DLG2: variants seen among roughly 807,000 people sequenced by gnomAD.
The protein encoded by DLG2 is discs large MAGUK scaffold protein 2, also known as disks large homolog 2.
Under a neutral mutation model 132.5 loss-of-function variants are expected in DLG2, and 45 were observed. That is an observed-to-expected ratio of 0.34 (90% CI 0.27 to 0.44). The LOEUF is 0.44. Among genes scored for constraint, DLG2 ranks in the 20% least tolerant of loss-of-function variants. The pLI, the probability that DLG2 is intolerant of heterozygous loss-of-function variation, is 1.00. For synonymous variants in DLG2, 424 were observed against 419.6 expected, an observed-to-expected ratio of 1.01 and a Z score of -0.13; for missense variants, 1,045 against 1,196.9, an observed-to-expected ratio of 0.87 and a Z score of 1.87.
chr11:83,807,075 A>C (rs2046099692), intron 17 of DLG2, among the ~76,000 whole-genome samples: 1 of 152,170 alleles, frequency 6.6e-6, no homozygotes, highest in African/African-American at 2.4e-5. Context: ...ACATTTGGGA[A>C]AACTAGAAGC....
At chr11:84,016,712 T>C (rs2095208994) in intron 11 of DLG2, among the ~76,000 whole-genome samples, 1 of 152,116 alleles carries the variant, frequency 6.6e-6, no homozygotes. Context: ...GTTAACCTTT[T>C]CTAGATTGCC....
In DLG2 at chr11:84,743,366, T is replaced by C. The variant is rs546111534; in HGVS notation, c.358-208635A>G. Among the ~76,000 whole-genome samples the C allele has an allele frequency of 2.4e-4, 37 of 152,322 alleles. 1 individual carries two copies. The South Asian group carries it at 7.7e-3, about 32-fold the overall frequency. On this transcript the variant is annotated intron_variant, in intron 6 of 27. Coordinates refer to ENST00000376104, the MANE Select transcript of DLG2 (RefSeq NM_001142699.3). The stretch of plus-strand genomic sequence containing the variant: ...GAAGGATCTTTAAGAGGCCATGTAG[T>C]ATACCAACCATCTTTAGTAAGAATT...
intron 14 of DLG2, among the ~76,000 whole-genome samples, chr11:83,955,802 T>C (rs566946780): frequency 1.2e-4 from 18 of 152,244 alleles, no homozygotes; most frequent in Non-Finnish European, 2.6e-4. Context: ...CCTACATCTT[T>C]CTCCTGTGCT....
At chr11:84,253,256 C>T (rs1465235407) in intron 7 of DLG2, among the ~76,000 whole-genome samples, 1 of 151,980 alleles carries the variant, frequency 6.6e-6, no homozygotes, top group Non-Finnish European at 1.5e-5. Context: ...GTTGGTTTAG[C>T]AACTTTCTGA....
chr11:85,409,604 C>T (rs74585162), intron 3 of DLG2, among the ~76,000 whole-genome samples: 8,408 of 151,868 alleles, frequency 0.055, 273 homozygotes, highest in Middle Eastern at 0.16. Flanking sequence ...AGTCCGGTTA[C>T]ACATTAAAGA....
intron 8 of DLG2, among the ~76,000 whole-genome samples, chr11:84,224,697 G>C (rs1025809096): frequency 6.6e-6 from 1 of 152,190 alleles, no homozygotes; most frequent in African/African-American, 2.4e-5. Context: ...AATCCCTGCA[G>C]TTTGGCTTGA....
rs1310633114 is a variant in DLG2 at position 85,435,180 on chromosome 11, C to T, written c.41-149815G>A. On this transcript the variant is annotated intron_variant, in intron 3 of 27. Coordinates refer to ENST00000376104, the MANE Select transcript of DLG2 (RefSeq NM_001142699.3). ...GGAACATATCTCAAAATAATAAGAG[C>T]TATTTATGACAAACCCACAGACAAT... Among the ~76,000 whole-genome samples the T allele has an allele frequency of 2.6e-5, 4 of 152,222 alleles. No homozygotes were observed. In the East Asian group the frequency reaches 7.7e-4, roughly 29 times the overall value.
chr11:84,806,130 A>T (rs1430220568), intron 6 of DLG2, among the ~76,000 whole-genome samples: 1 of 152,196 alleles, frequency 6.6e-6, no homozygotes, highest in Non-Finnish European at 1.5e-5. Flanking sequence ...AAGCAATATG[A>T]ATTAAAACAA....
chr11:83,917,956 T>C (rs926899657), intron 15 of DLG2, among the ~76,000 whole-genome samples: 3 of 152,154 alleles, frequency 2.0e-5, no homozygotes, highest in Non-Finnish European at 2.9e-5. Context: ...GGGATGAAAG[T>C]GCATGAAGAA....
chr11:84,502,646 C>T (rs891960258), intron 7 of DLG2, among the ~76,000 whole-genome samples: 1 of 151,806 alleles, frequency 6.6e-6, no homozygotes, highest in African/African-American at 2.4e-5. Context: ...GATCCACCTG[C>T]CTCAGCCTCC....
rs148070404 is a variant in DLG2 at position 84,651,534 on chromosome 11, A to G, written c.358-116803T>C. ...AGCTTTCAAAGCCATAAAGAGAGCA[A>G]AGGTCACTCCTCTTCTGTCTCCGGG... On this transcript the variant is annotated intron_variant, in intron 6 of 27. Coordinates refer to ENST00000376104, the MANE Select transcript of DLG2 (RefSeq NM_001142699.3). 1.9e-3 allele frequency among the ~76,000 whole-genome samples: 290 copies of G among 152,296 alleles called. 2 individuals are homozygous for G. In the Middle Eastern group the frequency reaches 0.034, roughly 18 times the overall value.
chr11:84,871,746 C>CA (rs1392077748), intron 6 of DLG2, among the ~76,000 whole-genome samples: 44 of 151,088 alleles, frequency 2.9e-4, no homozygotes, highest in African/African-American at 1.1e-3. Context: ...TTTAATGAGA[C>CA]AGAGTCTCCT....
intron 3 of DLG2, among the ~76,000 whole-genome samples, chr11:85,540,180 C>G (rs985453097): frequency 6.6e-6 from 1 of 152,180 alleles, no homozygotes; most frequent in South Asian, 2.1e-4. Context: ...ACCCTTGGGC[C>G]TTTGCCCACG....
Position 84,313,042 on chromosome 11 carries a change from C to A in DLG2, c.520-61751G>T, listed in dbSNP as rs117384478. On this transcript the variant is annotated intron_variant, in intron 7 of 27. Transcript: ENST00000376104. Reference sequence around the variant, plus strand: ...GGCCAAGATGGTCTCAATCTCTTGACCTCCTGATCCACCCGCCTCAGCTCC... The same window carrying A: ...GGCCAAGATGGTCTCAATCTCTTGAACTCCTGATCCACCCGCCTCAGCTCC... Among the ~76,000 whole-genome samples the A allele has an allele frequency of 8.6e-3, 1,310 of 152,164 alleles. 6 individuals are homozygous for A. Among genetic ancestry groups the A allele is most frequent in the Non-Finnish European group, 0.015 (999 of 68,004 alleles).
At chr11:84,388,689 C>G (rs1043079078) in intron 7 of DLG2, among the ~76,000 whole-genome samples, 5 of 150,620 alleles carry the variant, frequency 3.3e-5, no homozygotes, top group African/African-American at 1.2e-4. Context: ...AAGAGAGGAG[C>G]ATGTGATAAA....
In DLG2 at chr11:84,223,328, T is replaced by G. The variant is rs192981464; in HGVS notation, c.573+27910A>C. On this transcript the variant is annotated intron_variant, in intron 8 of 27. Coordinates refer to ENST00000376104, the MANE Select transcript of DLG2 (RefSeq NM_001142699.3). ...AGAGAATAATGTGTTTTTCTGCGCA[T>G]GGGATTCTAAACAATATATTTTCTA... 5.3e-5 allele frequency among the ~76,000 whole-genome samples: 8 copies of G among 152,266 alleles called. No individual in the cohort carries two copies. In the East Asian group the frequency reaches 1.5e-3, roughly 29 times the overall value.
intron 3 of DLG2, among the ~76,000 whole-genome samples, chr11:85,558,603 T>C (rs2077056070): frequency 1.3e-5 from 2 of 151,914 alleles, no homozygotes; most frequent in Non-Finnish European, 2.9e-5. Context: ...TGGAATACTA[T>C]GCAGCCATGA....
intron 9 of DLG2, among the ~76,000 whole-genome samples, chr11:84,153,009 C>T (rs2095339764): frequency 6.6e-6 from 1 of 152,142 alleles, no homozygotes; most frequent in South Asian, 2.1e-4. Context: ...TTTAGAACTC[C>T]CTCAAGGACC....
At chr11:84,912,482 G>T (rs1160813582) in intron 6 of DLG2, among the ~76,000 whole-genome samples, 1 of 152,196 alleles carries the variant, frequency 6.6e-6, no homozygotes, top group African/African-American at 2.4e-5. Context: ...AACATCTTCT[G>T]AATGAATCTT....
Sources: gnomAD v4.1 joint callset for allele counts (sites outside exome capture counted in the v4.1 genomes callset) on GRCh38, gnomAD v4.1.1 for gene constraint, MANE v1.5 for transcripts, NCBI Gene and HGNC (gene_info 2026-07-23, HGNC 2026-07-21) for gene names.